CCDC62: variants seen among roughly 807,000 people sequenced by gnomAD.
CCDC62 encodes coiled-coil domain-containing protein 62.
In CCDC62, 72 loss-of-function variants were observed where a neutral mutation model predicts 80.8. The ratio of observed to expected loss-of-function variants is 0.89; its 90% CI spans 0.74 to 1.08. The LOEUF is 1.08. Ranked by LOEUF, CCDC62 falls within the 50% of genes least tolerant of loss-of-function variation. The pLI, the probability that CCDC62 is intolerant of heterozygous loss-of-function variation, is 0.00. For synonymous variants in CCDC62, 286 were observed against 296.5 expected (o/e 0.96, Z 0.36); for missense variants, 704 against 809.4 (o/e 0.87, Z 1.58).
chr12:122,818,892 C>T (rs1286982400), intron 11 of CCDC62, among the ~76,000 whole-genome samples: 2 of 152,186 alleles, frequency 1.3e-5, no homozygotes, highest in Non-Finnish European at 2.9e-5. Context: ...CATTGCACTC[C>T]AGCCTGGGCA....
At chr12:122,792,160 G>A (rs1291218548) in intron 6 of CCDC62, 39 bp downstream of exon 6, 2 of 1,218,012 alleles carry the variant, frequency 1.6e-6, no homozygotes, top group South Asian at 2.4e-5. Context: ...ACCTAGACTT[G>A]CAATGATGAC....
At chr12:122,825,993 CAAAAAAAAAAA>C (rs61129769) in intron 12 of CCDC62, among the ~76,000 whole-genome samples, 1 of 110,372 alleles carries the variant, frequency 9.1e-6, no homozygotes, top group South Asian at 3.1e-4. Context: ...AACTCCGTCT[CAAAAAAAAAAA>C]AAAAAAAAAG....
rs1193124480 is a variant in CCDC62 at position 122,799,401 on chromosome 12, C to T, written c.977+1201C>T. ...TAGGTATATAGGGCATGGCACTCGC[C>T]CAAAAGAAGTAATGCCAAGGAATGC... On this transcript the variant is annotated intron_variant, in intron 8 of 12. Coordinates refer to ENST00000253079, the MANE Select transcript of CCDC62 (RefSeq NM_201435.5). Among the ~76,000 whole-genome samples the T allele has an allele frequency of 3.3e-5, 5 of 152,040 alleles. 1 individual carries two copies. The highest frequency in any genetic ancestry group is 4.1e-4 in the South Asian group (2 of 4,826).
intron 12 of CCDC62, among the ~76,000 whole-genome samples, chr12:122,825,628 T>C (rs2032589722): frequency 6.7e-6 from 1 of 148,158 alleles, no homozygotes; most frequent in African/African-American, 2.5e-5. Context: ...AGTGCTGGGA[T>C]TAAAGGCGTG....
rs748314689 is a variant in CCDC62, at chr12:122,826,431, C to T, written c.*50C>T. 4.5e-5 allele frequency: 35 copies of T among 780,042 alleles called. No individual in the cohort carries two copies. Among genetic ancestry groups the T allele is most frequent in the Non-Finnish European group, 4.1e-5 (17 of 417,850 alleles). The allele number at this position is 780,042 out of a possible 1,614,324, so 48.3% of individuals were successfully genotyped here. ...CTTCATCCAAAAGCAGATTTCTCAT[C>T]TATGTGGAAGGCAGAAAGCAGACAC... is the stretch of plus-strand genomic sequence containing the variant. On this transcript the variant is annotated 3_prime_UTR_variant, in exon 13 of 13. Coordinates refer to ENST00000253079, the MANE Select transcript of CCDC62 (RefSeq NM_201435.5).
chr12:122,785,529 T>C (rs1457517354), intron 3 of CCDC62, among the ~76,000 whole-genome samples, 190 bp from the exon 4 acceptor site: 2 of 152,248 alleles, frequency 1.3e-5, no homozygotes, highest in East Asian at 1.9e-4. Context: ...TGATGACTGC[T>C]TTCTTAGGCC....
intron 4 of CCDC62, 41 bp downstream of exon 4, chr12:122,785,861 G>A (rs756569025): frequency 1.0e-5 from 13 of 1,291,192 alleles, no homozygotes; most frequent in Non-Finnish European, 1.2e-5. Context: ...CAGAGTGCTT[G>A]GTAGTTATAT....
At chr12:122,814,713 G>A (rs1037829822) in intron 11 of CCDC62, among the ~76,000 whole-genome samples, 3 of 151,984 alleles carry the variant, frequency 2.0e-5, no homozygotes, top group African/African-American at 7.3e-5. Flanking sequence ...TCACCATGTT[G>A]ACCAGGCTGG....
chr12:122,795,785 T>C (rs1006924271), intron 6 of CCDC62, among the ~76,000 whole-genome samples: 1 of 152,166 alleles, frequency 6.6e-6, no homozygotes, highest in African/African-American at 2.4e-5. Flanking sequence ...ACAATGATAC[T>C]AGTTTACATT....
rs140421451 is a variant in CCDC62, at chr12:122,792,755, T to C, written c.772+634T>C. Among the ~76,000 whole-genome samples the C allele has an allele frequency of 2.5e-3, 384 of 152,198 alleles. 5 individuals carry two copies. The highest frequency in any genetic ancestry group is 0.023 in the East Asian group (119 of 5,178). On this transcript the variant is annotated intron_variant, in intron 6 of 12. Coordinates refer to ENST00000253079, the MANE Select transcript of CCDC62 (RefSeq NM_201435.5). Reference sequence around the variant, plus strand: ...GCTGATCTCGAACTCTGGCCTCAGATAATCCGCCCGCCTCAGCCTCGCAAA... The same window carrying C: ...GCTGATCTCGAACTCTGGCCTCAGACAATCCGCCCGCCTCAGCCTCGCAAA...
intron 11 of CCDC62, among the ~76,000 whole-genome samples, chr12:122,819,401 T>C (rs1424866034): frequency 6.6e-6 from 1 of 152,104 alleles, no homozygotes; most frequent in Non-Finnish European, 1.5e-5. Context: ...GAGCAGGCAA[T>C]GATTCAGTCC....
chr12:122,801,985 G>A (rs1369110724), intron 9 of CCDC62, 133 bp downstream of exon 9: 7 of 946,676 alleles, frequency 7.4e-6, no homozygotes, highest in Admixed American at 4.6e-5. Flanking sequence ...ATCTTCCTTA[G>A]GACCAATGGT....
Position 122,789,564 on chromosome 12 carries a change from C to T in CCDC62, c.670+635C>T, listed in dbSNP as rs1612324. Among the ~76,000 whole-genome samples the T allele has an allele frequency of 2.0e-3, 309 of 152,294 alleles. 1 individual carries two copies. Among genetic ancestry groups the T allele is most frequent in the African/African-American group, 7.2e-3 (301 of 41,560 alleles). On this transcript the variant is annotated intron_variant, in intron 5 of 12. Coordinates refer to ENST00000253079, the MANE Select transcript of CCDC62 (RefSeq NM_201435.5). ...TCTCCTGTCTCAGCTTCCCGAGTAGCTGGGATTACAGGCACCTACCACCAT... is the reference window on the plus strand; with the variant it reads ...TCTCCTGTCTCAGCTTCCCGAGTAGTTGGGATTACAGGCACCTACCACCAT...
At chr12:122,778,824 AG>A (rs1879643606) in intron 2 of CCDC62, among the ~76,000 whole-genome samples, 2 of 152,212 alleles carry the variant, frequency 1.3e-5, no homozygotes, top group Non-Finnish European at 2.9e-5. Context: ...GGTTGCAGTG[AG>A]CCAAGATTGC....
At chr12:122,812,469 G>A (rs1450910066) in intron 10 of CCDC62, among the ~76,000 whole-genome samples, 10 of 150,414 alleles carry the variant, frequency 6.6e-5, no homozygotes, top group Non-Finnish European at 1.3e-4. Flanking sequence ...GGCCGGGTGC[G>A]GTGGCTCACA....
intron 2 of CCDC62, 93 bp from the exon 3 acceptor site, chr12:122,781,071 T>C (rs1310968361): frequency 1.1e-6 from 1 of 927,640 alleles, no homozygotes; most frequent in African/African-American, 1.7e-5. Flanking sequence ...TTAAAAATTC[T>C]CTACCACATT....
At chr12:122,784,372 T>G (rs2030078342) in intron 3 of CCDC62, among the ~76,000 whole-genome samples, 1 of 151,560 alleles carries the variant, frequency 6.6e-6, no homozygotes, top group Non-Finnish European at 1.5e-5. Context: ...AATACAAAAA[T>G]CAGCTGGGCA....
intron 9 of CCDC62, 139 bp downstream of exon 9, chr12:122,801,991 ATG>A: frequency 1.1e-6 from 1 of 892,030 alleles, no homozygotes; most frequent in Non-Finnish European, 1.7e-6. Context: ...CTTAGGACCA[ATG>A]GTTCCCTCTT....
chr12:122,812,752 G>A (rs145755106), intron 10 of CCDC62, among the ~76,000 whole-genome samples: 860 of 51,402 alleles, frequency 0.017, 35 homozygotes, highest in East Asian at 0.023. Context: ...AGAGAGAGAG[G>A]GAGGGAGAGA....
Sources: allele counts gnomAD v4.1 joint callset (sites outside exome capture counted in the v4.1 genomes callset), GRCh38; gene constraint gnomAD v4.1.1; transcripts MANE v1.5; gene names NCBI Gene and HGNC (gene_info 2026-07-23, HGNC 2026-07-21).